Variants in SSBP3 observed in about 807,000 individuals in gnomAD.
SSBP3 encodes single stranded DNA binding protein 3.
In SSBP3, 5 loss-of-function variants were observed where a neutral mutation model predicts 69.6. That is an observed-to-expected ratio of 0.07 (90% CI 0.04 to 0.15). SSBP3 has a LOEUF of 0.15. SSBP3 is among the 10% of genes least tolerant of loss of function. The probability of loss-of-function intolerance (pLI) is 1.00; values close to 1 mark genes in which losing one functional copy is unlikely to be tolerated. For synonymous variants in SSBP3, 196 were observed against 193.4 expected, an observed-to-expected ratio of 1.01 and a Z score of -0.11; for missense variants, 312 against 534.0, an observed-to-expected ratio of 0.58 and a Z score of 4.10.
chr1:54,393,596 C>A (rs1449684319), intron 4 of SSBP3, among the ~76,000 whole-genome samples: 15 of 152,064 alleles, frequency 9.9e-5, no homozygotes, highest in Admixed American at 9.2e-4. Flanking sequence ...TCAAGACCAG[C>A]CTAGGCAACA....
At chr1:54,412,524 T>C (rs1557603695) in intron 1 of SSBP3, among the ~76,000 whole-genome samples, 1 of 152,056 alleles carries the variant, frequency 6.6e-6, no homozygotes, top group Non-Finnish European at 1.5e-5. Flanking sequence ...GAAAGGTGGT[T>C]GCCAGAGCCT....
At chr1:54,391,860 G>A (rs914566177) in intron 4 of SSBP3, among the ~76,000 whole-genome samples, 6 of 151,612 alleles carry the variant, frequency 4.0e-5, no homozygotes, top group Admixed American at 2.0e-4. Flanking sequence ...CAAGCTCCAC[G>A]GGGGGCAAGG....
intron 14 of SSBP3, among the ~76,000 whole-genome samples, chr1:54,235,003 T>C (rs1644461884): frequency 6.6e-6 from 1 of 152,238 alleles, no homozygotes; most frequent in South Asian, 2.1e-4. Flanking sequence ...TGTCACTCTG[T>C]TTATTCAAAG....
intron 4 of SSBP3, among the ~76,000 whole-genome samples, chr1:54,381,265 C>T (rs1332327744): frequency 6.6e-6 from 1 of 151,544 alleles, no homozygotes; most frequent in African/African-American, 2.4e-5. Flanking sequence ...CGCCTGCAGT[C>T]CCAGCTACTC....
upstream of SSBP3, among the ~76,000 whole-genome samples, chr1:54,406,943 C>G (rs865951816): frequency 6.6e-6 from 1 of 151,998 alleles, no homozygotes; most frequent in South Asian, 2.1e-4. Context: ...TCCCCAGACT[C>G]CAGCCCGGCC....
rs147255759 is a variant in SSBP3, at chr1:54,303,673, G to A, written c.277-22146C>T. Reference sequence around the variant, plus strand: ...CTTTACACTCACACGGTCCTGCATGGAAGCCCTAGCCACAAGCAGCTACCA... The same window carrying A: ...CTTTACACTCACACGGTCCTGCATGAAAGCCCTAGCCACAAGCAGCTACCA... On this transcript the variant is annotated intron_variant, in intron 4 of 17. Transcript: ENST00000610401. 2.1e-3 allele frequency among the ~76,000 whole-genome samples: 324 copies of A among 152,238 alleles called. 3 individuals are homozygous for A. Among genetic ancestry groups the A allele is most frequent in the African/African-American group, 7.5e-3 (311 of 41,536 alleles).
At chr1:54,337,030 C>T (rs952695415) in intron 4 of SSBP3, among the ~76,000 whole-genome samples, 8 of 152,228 alleles carry the variant, frequency 5.3e-5, no homozygotes, top group African/African-American at 1.9e-4. Flanking sequence ...TGACAGCTCT[C>T]AACGTCAGCC....
chr1:54,317,592 A>C (rs1646136893), intron 4 of SSBP3, among the ~76,000 whole-genome samples: 1 of 152,078 alleles, frequency 6.6e-6, no homozygotes, highest in African/African-American at 2.4e-5. Context: ...ATCAAACCAC[A>C]AAAAAATGTG....
intron 4 of SSBP3, among the ~76,000 whole-genome samples, chr1:54,395,741 C>T (rs1648818558): frequency 1.3e-5 from 2 of 152,126 alleles, no homozygotes; most frequent in Admixed American, 1.3e-4. Flanking sequence ...CGATTTCCAG[C>T]CAAGAAATGA....
intron 4 of SSBP3, among the ~76,000 whole-genome samples, chr1:54,388,650 C>T (rs1339322255): frequency 6.6e-6 from 1 of 152,192 alleles, no homozygotes; most frequent in Non-Finnish European, 1.5e-5. Flanking sequence ...CTCAGAACCG[C>T]AGGGAATATG....
At chr1:54,396,543 G>T (rs555824762) in intron 4 of SSBP3, among the ~76,000 whole-genome samples, 1 of 152,130 alleles carries the variant, frequency 6.6e-6, no homozygotes, top group South Asian at 2.1e-4. Context: ...TCATGGGAAG[G>T]GGGCCAGGCA....
At chr1:54,329,657 G>T (rs570291649) in intron 4 of SSBP3, among the ~76,000 whole-genome samples, 2 of 152,244 alleles carry the variant, frequency 1.3e-5, no homozygotes, top group Non-Finnish European at 2.9e-5. Flanking sequence ...ACATTTTCCT[G>T]ATCTAATTCA....
At chr1:54,369,956 T>C (rs1359881666) in intron 4 of SSBP3, among the ~76,000 whole-genome samples, 2 of 152,036 alleles carry the variant, frequency 1.3e-5, no homozygotes, top group African/African-American at 2.4e-5. Flanking sequence ...CCTTGCAACA[T>C]CCCAAGAGAA....
At chr1:54,238,703 C>T (rs1450319675) in intron 14 of SSBP3, 1 of 309,684 alleles carries the variant, frequency 3.2e-6, no homozygotes, top group Non-Finnish European at 6.6e-6. Flanking sequence ...GGCGGGTCCC[C>T]CAGCGAGCCC....
At chr1:54,293,282 G>A (rs1037519062) in intron 4 of SSBP3, among the ~76,000 whole-genome samples, 4 of 152,042 alleles carry the variant, frequency 2.6e-5, no homozygotes, top group African/African-American at 9.7e-5. Flanking sequence ...TGAGAGATCT[G>A]CTAAGGGGGT....
intron 4 of SSBP3, among the ~76,000 whole-genome samples, chr1:54,309,531 G>A (rs570748026): frequency 4.6e-5 from 7 of 152,190 alleles, no homozygotes; most frequent in Non-Finnish European, 8.8e-5. Context: ...AGACTGCACC[G>A]TGAGAAATCA....
chr1:54,380,062 G>A (rs1647497147), intron 4 of SSBP3, among the ~76,000 whole-genome samples: 1 of 152,200 alleles, frequency 6.6e-6, no homozygotes, highest in African/African-American at 2.4e-5. Flanking sequence ...TCTGGTCAGA[G>A]AGGAAAATGG....
At chr1:54,247,758 G>A (rs1310977220) in intron 9 of SSBP3, among the ~76,000 whole-genome samples, 1 of 152,170 alleles carries the variant, frequency 6.6e-6, no homozygotes, top group Non-Finnish European at 1.5e-5. Flanking sequence ...CACTTCTGGT[G>A]GGGGCTGGCA....
Position 54,258,156 on chromosome 1 carries a change from G to C in SSBP3, c.367-7C>G. On this transcript the variant is annotated splice_region_variant and splice_polypyrimidine_tract_variant and intron_variant, in intron 5 of 17. Coordinates refer to ENST00000610401, the Ensembl canonical transcript of SSBP3. The surrounding 1 kb of genome is among the most constrained non-coding windows in gnomAD (Gnocchi z 4.5). ...GCTGTGACCCCGGAGGACCCTGTGAGGCCAGACAGTAGAGGCAGGTTATAG... is the reference window on the plus strand; with the variant it reads ...GCTGTGACCCCGGAGGACCCTGTGACGCCAGACAGTAGAGGCAGGTTATAG... 1 of 1,582,368 alleles carries C rather than the reference G, an allele frequency of 6.3e-7. No homozygotes were observed. Among genetic ancestry groups the C allele is most frequent in the Non-Finnish European group, 8.6e-7 (1 of 1,165,046 alleles).
Sources: gnomAD v4.1 joint callset for allele counts (sites outside exome capture counted in the v4.1 genomes callset) on GRCh38, gnomAD v4.1.1 for gene constraint, Gnocchi (gnomAD v3.1) non-coding constraint, MANE v1.5 for transcripts, NCBI Gene and HGNC (gene_info 2026-07-23, HGNC 2026-07-21) for gene names.